The following KCNT2 variants were observed in gnomAD, a reference collection of about 807,000 sequenced individuals.
KCNT2 encodes the protein potassium sodium-activated channel subfamily T member 2.
A neutral mutation model predicts 153.8 loss-of-function variants in KCNT2; 67 were observed. The ratio of observed to expected loss-of-function variants is 0.44; its 90% confidence interval spans 0.36 to 0.53. The LOEUF (loss-of-function observed/expected upper bound fraction) is 0.53, where lower values mean the gene tolerates loss of function less well. KCNT2 is among the 20% of genes least tolerant of loss of function. The probability of loss-of-function intolerance (pLI) is 0.00; values close to 1 mark genes in which losing one functional copy is unlikely to be tolerated. For missense variants in KCNT2, 975 were observed against 1,354.8 expected (o/e 0.72, Z 4.40); for synonymous variants, 500 against 458.8 (o/e 1.09, Z -1.15).
At chr1:196,515,076 T>C (rs1426138975) in intron 1 of KCNT2, among the ~76,000 whole-genome samples, 1 of 152,142 alleles carries the variant, frequency 6.6e-6, no homozygotes, top group African/African-American at 2.4e-5. Flanking sequence ...CAAAAGGATA[T>C]CTGGGAAACT....
intron 25 of KCNT2, among the ~76,000 whole-genome samples, chr1:196,277,723 G>A (rs1658704579): frequency 6.6e-6 from 1 of 152,074 alleles, no homozygotes; most frequent in Admixed American, 6.6e-5. Flanking sequence ...GAACACTAAT[G>A]GTTATTTAAA....
intron 1 of KCNT2, among the ~76,000 whole-genome samples, chr1:196,602,844 T>C: frequency 7.5e-6 from 1 of 133,066 alleles, no homozygotes; most frequent in Non-Finnish European, 1.5e-5. Context: ...CGGACTGCAG[T>C]GGCGCAATCT....
intron 21 of KCNT2, among the ~76,000 whole-genome samples, chr1:196,315,377 T>C (rs372382813): frequency 6.6e-6 from 1 of 151,700 alleles, no homozygotes; most frequent in South Asian, 2.1e-4. Flanking sequence ...TGGGGATTCA[T>C]ATCCCCATTA....
At chr1:196,311,859 G>A (rs1662216181) in intron 21 of KCNT2, among the ~76,000 whole-genome samples, 1 of 151,790 alleles carries the variant, frequency 6.6e-6, no homozygotes, top group African/African-American at 2.4e-5. Flanking sequence ...CAGCCACCAA[G>A]TGGGATATTT....
chr1:196,286,663 A>ACACACACG (rs932874017), intron 22 of KCNT2, among the ~76,000 whole-genome samples: 11 of 150,774 alleles, frequency 7.3e-5, no homozygotes, highest in African/African-American at 2.5e-4. Flanking sequence ...ACACACACAC[A>ACACACACG]CGTTGTTTAT....
chr1:196,590,888 G>A (rs1663260101), intron 1 of KCNT2, among the ~76,000 whole-genome samples: 1 of 152,102 alleles, frequency 6.6e-6, no homozygotes. Flanking sequence ...TACTTTGGGA[G>A]GAGGAGGTGG....
At position 196,604,723 on chromosome 1, in the gene KCNT2, ATAT is replaced by A. The variant is rs200613779; in HGVS notation, c.95+3489_95+3491del. 5.6e-4 allele frequency among the ~76,000 whole-genome samples: 85 copies of A among 151,430 alleles called. No homozygotes were observed. In the East Asian group the frequency reaches 0.015, roughly 28 times the overall value. On this transcript the variant is annotated intron_variant, in intron 1 of 27. Coordinates refer to ENST00000294725, the MANE Select transcript of KCNT2 (RefSeq NM_198503.5). Reference sequence around the variant, plus strand: ...CTATTCATTACATATATTATAATATATATTATTAATCACATATTTGTAATATAT... The same window carrying A: ...CTATTCATTACATATATTATAATATATATTAATCACATATTTGTAATATAT...
intron 27 of KCNT2, among the ~76,000 whole-genome samples, chr1:196,231,602 G>C (rs1653963155): frequency 6.6e-6 from 1 of 151,858 alleles, no homozygotes; most frequent in Admixed American, 6.6e-5. Context: ...GGTTGAACTT[G>C]CCTCTCCAGG....
intron 1 of KCNT2, among the ~76,000 whole-genome samples, chr1:196,530,475 C>T (rs1654795349): frequency 6.6e-6 from 1 of 151,682 alleles, no homozygotes; most frequent in Admixed American, 6.6e-5. Flanking sequence ...TCATAAAGTA[C>T]TATTAAGTGG....
intron 8 of KCNT2, among the ~76,000 whole-genome samples, chr1:196,459,206 T>C (rs1392428667): frequency 6.6e-6 from 1 of 151,708 alleles, no homozygotes; most frequent in East Asian, 2.0e-4. Context: ...CAAAAAACAT[T>C]AGTAAATCAT....
chr1:196,488,456 T>C (rs1048260749), intron 3 of KCNT2, among the ~76,000 whole-genome samples: 10 of 151,220 alleles, frequency 6.6e-5, no homozygotes, highest in African/African-American at 2.5e-4. Context: ...TACATAGAAG[T>C]TAATTGTAGG....
chr1:196,377,814 G>A (rs1164607661), intron 13 of KCNT2, among the ~76,000 whole-genome samples: 1 of 151,992 alleles, frequency 6.6e-6, no homozygotes, highest in Non-Finnish European at 1.5e-5. Context: ...CTTTATCAGA[G>A]GCCTCTAATT....
At chr1:196,594,712 A>G (rs1012348368) in intron 1 of KCNT2, among the ~76,000 whole-genome samples, 1 of 152,102 alleles carries the variant, frequency 6.6e-6, no homozygotes, top group African/African-American at 2.4e-5. Context: ...CACTGCATCC[A>G]ATTTAGAGTC....
chr1:196,329,094 G>C (rs1394113831), intron 18 of KCNT2, among the ~76,000 whole-genome samples: 1 of 152,090 alleles, frequency 6.6e-6, no homozygotes, highest in Admixed American at 6.6e-5. Context: ...ACAAAGAGCA[G>C]AGAACAGAGA....
intron 22 of KCNT2, among the ~76,000 whole-genome samples, chr1:196,294,429 C>A (rs1456822567): frequency 1.3e-5 from 2 of 152,060 alleles, no homozygotes; most frequent in Non-Finnish European, 2.9e-5. Context: ...ACACGCGCCA[C>A]CATACCCAGT....
chr1:196,535,835 C>T (rs995670417), intron 1 of KCNT2, among the ~76,000 whole-genome samples: 9 of 152,218 alleles, frequency 5.9e-5, no homozygotes, highest in African/African-American at 2.2e-4. Flanking sequence ...CAAGCATGAG[C>T]TCACATGGGT....
chr1:196,463,109 C>G (rs1677296162), intron 8 of KCNT2, among the ~76,000 whole-genome samples: 1 of 151,676 alleles, frequency 6.6e-6, no homozygotes, highest in South Asian at 2.1e-4. Context: ...TATTCCCCAG[C>G]AGTATCAAGC....
intron 14 of KCNT2, among the ~76,000 whole-genome samples, chr1:196,371,675 G>A (rs797011576): frequency 6.6e-6 from 1 of 151,938 alleles, no homozygotes; most frequent in Non-Finnish European, 1.5e-5. Context: ...AAATTCATTA[G>A]AGTATGTTGG....
At chr1:196,534,210 G>A (rs909299702) in intron 1 of KCNT2, among the ~76,000 whole-genome samples, 1 of 152,066 alleles carries the variant, frequency 6.6e-6, no homozygotes, top group African/African-American at 2.4e-5. Flanking sequence ...ATATTTTAAT[G>A]TTGAATGCAT....
Sources: gnomAD v4.1 joint callset for allele counts (sites outside exome capture counted in the v4.1 genomes callset) on GRCh38, gnomAD v4.1.1 for gene constraint, MANE v1.5 for transcripts, NCBI Gene and HGNC (gene_info 2026-07-23, HGNC 2026-07-21) for gene names.